Variants in PELI2 observed in about 807,000 individuals in gnomAD.
PELI2 encodes pellino E3 ubiquitin protein ligase family member 2.
Under a neutral mutation model 42.3 loss-of-function variants are expected in PELI2, and 23 were observed. That is an observed-to-expected ratio of 0.54 (90% CI 0.39 to 0.77). The LOEUF is 0.77. Among genes scored for constraint, PELI2 ranks in the 30% least tolerant of loss-of-function variants. The probability of loss-of-function intolerance (pLI) is 0.00; values close to 1 mark genes in which losing one functional copy is unlikely to be tolerated. For synonymous variants in PELI2, 245 were observed against 212.2 expected, an observed-to-expected ratio of 1.15 and a Z score of -1.34; for missense variants, 463 against 553.2, an observed-to-expected ratio of 0.84 and a Z score of 1.64.
At chr14:56,249,308 T>A (rs71414111) in intron 2 of PELI2, among the ~76,000 whole-genome samples, 10,188 of 152,256 alleles carry the variant, frequency 0.067, 469 homozygotes, top group Non-Finnish European at 0.1. Flanking sequence ...CCCTCTTTCA[T>A]TTAACATCCT....
intron 2 of PELI2, among the ~76,000 whole-genome samples, chr14:56,227,505 G>A (rs1325064875): frequency 6.6e-6 from 1 of 152,232 alleles, no homozygotes. Context: ...TGCTGTGGTG[G>A]TAGTTTTGAA....
At chr14:56,252,191 G>T (rs919834596) in intron 2 of PELI2, among the ~76,000 whole-genome samples, 3 of 152,166 alleles carry the variant, frequency 2.0e-5, no homozygotes, top group Admixed American at 6.5e-5. Context: ...TAGGGTAAGG[G>T]TGCTATAACA....
intron 5 of PELI2, among the ~76,000 whole-genome samples, chr14:56,294,799 C>T (rs1254494891): frequency 6.6e-6 from 1 of 152,208 alleles, no homozygotes; most frequent in Admixed American, 6.5e-5. Flanking sequence ...ACATTCAGCA[C>T]ACCCAAAACT....
In PELI2 at chr14:56,288,553, G is replaced by T; in HGVS notation, c.426G>T (p.Arg142Ser). Residue 142 changes from arginine (R) to serine (S), a missense_variant, in exon 4 of 6, where the codon AGG (arginine) becomes AGT (serine). Transcript: ENST00000267460. The surrounding 1 kb of genome is among the most constrained non-coding windows in gnomAD (Gnocchi z 4.6). Reference protein sequence around the residue: ...TQSTISRFACRIVCDRNEPYT... With the variant: ...TQSTISRFACSIVCDRNEPYT... ...GCACCATATCCAGGTTCGCCTGCAG[G>T]ATCGTGTGCGACAGGAATGAACCTT... The T allele has an allele frequency of 1.9e-6, 3 of 1,614,088 alleles. No individual in the cohort carries two copies. The highest frequency in any genetic ancestry group is 2.5e-6 in the Non-Finnish European group (3 of 1,179,990).
chr14:56,237,833 G>T (rs1228170921), intron 2 of PELI2, among the ~76,000 whole-genome samples: 1 of 151,290 alleles, frequency 6.6e-6, no homozygotes, highest in African/African-American at 2.4e-5. Flanking sequence ...CTGTGGCACC[G>T]TTCATTATGG....
intron 5 of PELI2, among the ~76,000 whole-genome samples, chr14:56,296,085 A>G (rs1889989861): frequency 6.6e-6 from 1 of 152,248 alleles, no homozygotes; most frequent in African/African-American, 2.4e-5. Context: ...AACCTTAAAA[A>G]TGAATGATGA....
In PELI2 at chr14:56,288,701, T is replaced by C; in HGVS notation, c.507+67T>C. On this transcript the variant is annotated intron_variant, in intron 4 of 5. Transcript: ENST00000267460. This position sits in a 1 kb window ranked among gnomAD's most constrained non-coding sequence, Gnocchi z 4.6. ...TGTGATTATGATATGGAACATTTAA[T>C]TGGAGCAAAAAAAAATTGGCTTTGT... The C allele has an allele frequency of 1.6e-6, 2 of 1,221,950 alleles. No individual in the cohort carries two copies. The highest frequency in any genetic ancestry group is 2.2e-6 in the Non-Finnish European group (2 of 908,516). 75.7% of individuals were successfully genotyped at this position (1,221,950 alleles called of 1,614,324 possible).
intron 1 of PELI2, among the ~76,000 whole-genome samples, chr14:56,124,211 C>G (rs1883164809): frequency 6.6e-6 from 1 of 152,186 alleles, no homozygotes; most frequent in African/African-American, 2.4e-5. Flanking sequence ...TGTTCTCAAC[C>G]ACTGTCTCAA....
At chr14:56,162,892 G>A (rs1218025595) in intron 1 of PELI2, among the ~76,000 whole-genome samples, 2 of 151,930 alleles carry the variant, frequency 1.3e-5, no homozygotes, top group South Asian at 2.1e-4. Context: ...TCATTTGTAT[G>A]TCTTTCTTTG....
chr14:56,267,895 A>G (rs1888964209), intron 2 of PELI2, among the ~76,000 whole-genome samples: 3 of 152,144 alleles, frequency 2.0e-5, no homozygotes, highest in Non-Finnish European at 1.5e-5. Context: ...CAATCTTTAT[A>G]TTCCTCAGTT....
At position 56,192,733 on chromosome 14, in the gene PELI2, C is replaced by T. The variant is rs373617992; in HGVS notation, c.207+14269C>T. Among the ~76,000 whole-genome samples, 21 of 152,328 alleles carry T rather than the reference C, an allele frequency of 1.4e-4. 1 individual carries two copies. The highest frequency in any genetic ancestry group is 8.5e-4 in the Admixed American group (13 of 15,310). ...GCTCACGTTGGGGACTATAATGTTA[C>T]TCAACTCATAGATTAGAATGAATGA... On this transcript the variant is annotated intron_variant, in intron 2 of 5. Transcript: ENST00000267460.
chr14:56,265,166 A>T (rs1888850186), intron 2 of PELI2, among the ~76,000 whole-genome samples: 1 of 152,140 alleles, frequency 6.6e-6, no homozygotes, highest in Admixed American at 6.5e-5. Flanking sequence ...AATGTGAAAA[A>T]CCTAAAATTG....
rs28707642 is a variant in PELI2, at chr14:56,237,828, G to A, written c.208-41848G>A. On this transcript the variant is annotated intron_variant, in intron 2 of 5. Transcript: ENST00000267460. Reference sequence around the variant, plus strand: ...CTGTGTCTTTCTGTGTAGCTCTGTGGCACCGTTCATTATGGTTGATAGAAC... The same window carrying A: ...CTGTGTCTTTCTGTGTAGCTCTGTGACACCGTTCATTATGGTTGATAGAAC... 1.3e-3 allele frequency among the ~76,000 whole-genome samples: 199 copies of A among 150,084 alleles called. 3 individuals carry two copies. Among genetic ancestry groups the A allele is most frequent in the African/African-American group, 4.7e-3 (190 of 40,690 alleles).
At chr14:56,135,059 A>C (rs1323139409) in intron 1 of PELI2, among the ~76,000 whole-genome samples, 3 of 152,218 alleles carry the variant, frequency 2.0e-5, no homozygotes, top group African/African-American at 4.8e-5. Context: ...TATAGTGGAG[A>C]GCAGTGTGGT....
intron 1 of PELI2, among the ~76,000 whole-genome samples, chr14:56,152,499 C>A (rs1008862480): frequency 2.0e-5 from 3 of 152,094 alleles, no homozygotes; most frequent in Non-Finnish European, 4.4e-5. Context: ...TGGAGCTCTG[C>A]AGCCTGCCTC....
At chr14:56,159,703 A>G (rs1219348741) in intron 1 of PELI2, among the ~76,000 whole-genome samples, 2 of 152,204 alleles carry the variant, frequency 1.3e-5, no homozygotes, top group African/African-American at 2.4e-5. Context: ...ATGTTATATT[A>G]ATATATACTT....
chr14:56,207,091 CA>C (rs1886544613), intron 2 of PELI2, among the ~76,000 whole-genome samples: 1 of 152,148 alleles, frequency 6.6e-6, no homozygotes, highest in Non-Finnish European at 1.5e-5. Context: ...GCAGAGTGAA[CA>C]TACGACTTTA....
chr14:56,199,558 T>C (rs1886258141), intron 2 of PELI2, among the ~76,000 whole-genome samples: 1 of 152,234 alleles, frequency 6.6e-6, no homozygotes, highest in Non-Finnish European at 1.5e-5. Context: ...TGGTTCTTCT[T>C]GTTGATTTCT....
At chr14:56,168,865 T>C (rs1335895552) in intron 1 of PELI2, among the ~76,000 whole-genome samples, 1 of 151,812 alleles carries the variant, frequency 6.6e-6, no homozygotes, top group Non-Finnish European at 1.5e-5. Flanking sequence ...TTATTCAGGG[T>C]TCAAGGGCTC....
Sources: gnomAD v4.1 joint callset for allele counts (sites outside exome capture counted in the v4.1 genomes callset) on GRCh38, gnomAD v4.1.1 for gene constraint, Gnocchi (gnomAD v3.1) non-coding constraint, MANE v1.5 for transcripts, NCBI Gene and HGNC (gene_info 2026-07-23, HGNC 2026-07-21) for gene names.